The following MYO1A variants were observed in gnomAD, a reference collection of about 807,000 sequenced individuals.
The protein encoded by MYO1A is myosin IA.
A neutral mutation model predicts 138.5 loss-of-function variants in MYO1A; 127 were observed. The observed-to-expected ratio is 0.92, with a 90% CI of 0.79 to 1.06. MYO1A has a LOEUF of 1.06. Ranked by LOEUF, MYO1A falls within the 50% of genes least tolerant of loss-of-function variation. The pLI is 0.00. For missense variants in MYO1A, 1,211 were observed against 1,288.8 expected (o/e 0.94, Z 0.92); for synonymous variants, 477 against 497.5 (o/e 0.96, Z 0.55).
At chr12:57,030,406 G>A in intron 23 of MYO1A, 90 bp from the exon 24 acceptor site, 1 of 1,078,134 alleles carries the variant, frequency 9.3e-7, no homozygotes, top group Non-Finnish European at 1.4e-6. Flanking sequence ...GAAGACACTA[G>A]GAGAGGAGAG....
chr12:57,046,810 G>T, intron 7 of MYO1A, 53 bp downstream of exon 7: 1 of 1,584,420 alleles, frequency 6.3e-7, no homozygotes. Context: ...TTAGCAGAAA[G>T]GGCCATGGGA....
At position 57,037,033 on chromosome 12, in the gene MYO1A, T is replaced by C. The variant is rs1270254909; in HGVS notation, c.2114A>G (p.Gln705Arg). The C allele has an allele frequency of 2.5e-6, 4 of 1,614,046 alleles. No individual in the cohort carries two copies. The African/African-American group carries it at 5.3e-5, about 22-fold the overall frequency. ...GCAGCGCCAGCCTCGGTAAATCTTC[T>C]GTATGAGTGTGGCCAGCTGCTGGAG... The part of the protein sequence containing the change: ...LRLQQLATLI[Q>R]KIYRGWRCRT... Residue 705 changes from glutamine to arginine, a missense_variant, in exon 20 of 28, where the codon CAG becomes CGG. By Grantham distance (43) the Gln-to-Arg change is conservative (BLOSUM62 1). Transcript: ENST00000300119.
chr12:57,035,894 T>C (rs1178650211), intron 22 of MYO1A, among the ~76,000 whole-genome samples: 2 of 152,254 alleles, frequency 1.3e-5, no homozygotes, highest in African/African-American at 4.8e-5. Context: ...ACAATTCGCC[T>C]ACTCTCACCC....
In MYO1A at chr12:57,031,191, G is replaced by A. The variant is rs2030267576; in HGVS notation, c.2350-17C>T. On this transcript the variant is annotated splice_polypyrimidine_tract_variant and intron_variant, in intron 22 of 27. Transcript: ENST00000300119. ...TTTCTGTACCTAGTTTGGGACCAGG[G>A]GGATTGGGAGTGGAGTGATAAGAAA... The A allele has an allele frequency of 6.2e-7, 1 of 1,614,112 alleles. No homozygotes were observed.
In MYO1A at chr12:57,047,380, A is replaced by G. The variant is rs2031149371; in HGVS notation, c.353T>C (p.Val118Ala). ...TEASKLVMSYVAAVCGKGEQV... is the reference protein window; with the variant it reads ...TEASKLVMSYAAAVCGKGEQV... Reference sequence around the variant, plus strand: ...CTCTCCTTTCCCACAGACGGCAGCCACATAAGACATCACCAGCTTGCTGGC... The same window carrying G: ...CTCTCCTTTCCCACAGACGGCAGCCGCATAAGACATCACCAGCTTGCTGGC... The change falls in exon 5 of 28, where the codon GTG becomes GCG. Residue 118 changes from valine (V) to alanine (A), a missense_variant. Val to Ala is a moderately conservative substitution (Grantham distance 64, BLOSUM62 0). Coordinates refer to ENST00000300119, the MANE Select transcript of MYO1A (RefSeq NM_005379.4). The G allele has an allele frequency of 6.2e-7, 1 of 1,614,084 alleles. No homozygotes were observed. The highest frequency in any genetic ancestry group is 2.2e-5 in the East Asian group (1 of 44,872).
At position 57,039,192 on chromosome 12, in the gene MYO1A, A is replaced by G; in HGVS notation, c.1332+20T>C. 1 of 1,612,242 alleles carries G rather than the reference A, an allele frequency of 6.2e-7. No individual in the cohort carries two copies. Among genetic ancestry groups the G allele is most frequent in the South Asian group, 1.1e-5 (1 of 91,046 alleles). On this transcript the variant is annotated intron_variant, in intron 15 of 27. Transcript: ENST00000300119. ...CAGTCTGGAAGGGGAAGTCCCACAG[A>G]TAAGAGAATGACAACTCACATGCTC... is the stretch of plus-strand genomic sequence containing the variant.
chr12:57,029,712 GGGA>G (rs751910306), intron 25 of MYO1A, 25 bp downstream of exon 25: 345 of 1,613,992 alleles, frequency 2.1e-4, no homozygotes, highest in Non-Finnish European at 2.8e-4. Flanking sequence ...CACTAGCTGC[GGGA>G]GGAGTTCAGC....
rs1254165315 is a variant in MYO1A at position 57,037,024 on chromosome 12, T to TA, written c.2122dup (p.Tyr708LeufsTer145). 1 of 1,613,998 alleles carries TA rather than the reference T, an allele frequency of 6.2e-7. No individual in the cohort carries two copies. The highest frequency in any genetic ancestry group is 8.5e-7 in the Non-Finnish European group (1 of 1,180,036). Reference sequence around the variant, plus strand: ...GTGGGTGCGGCAGCGCCAGCCTCGGTAAATCTTCTGTATGAGTGTGGCCAG... The same window carrying TA: ...GTGGGTGCGGCAGCGCCAGCCTCGGTAAAATCTTCTGTATGAGTGTGGCCAG... On this transcript the variant is annotated frameshift_variant, in exon 20 of 28. Coordinates refer to ENST00000300119, the MANE Select transcript of MYO1A (RefSeq NM_005379.4). LOFTEE classifies it high-confidence loss of function.
At position 57,048,065 on chromosome 12, in the gene MYO1A, G is replaced by C. The variant is rs1199295193; in HGVS notation, c.154C>G (p.Gln52Glu). 2.5e-6 allele frequency: 4 copies of C among 1,614,074 alleles called. No individual in the cohort carries two copies. The highest frequency in any genetic ancestry group is 3.4e-6 in the Non-Finnish European group (4 of 1,180,026). ...TCTGGCCCATAGATGGGAAGCTGTT[G>C]ATAGGGATTCACTGAGATCACCACA... ...GNVVISVNPYQQLPIYGPEFI... is the reference protein window; with the variant it reads ...GNVVISVNPYEQLPIYGPEFI... The change falls in exon 3 of 28, where the codon CAA becomes GAA. Residue 52 changes from glutamine (Q) to glutamate (E), a missense_variant. Transcript: ENST00000300119.
intron 22 of MYO1A, among the ~76,000 whole-genome samples, chr12:57,035,891 G>T (rs904122040): frequency 6.6e-6 from 1 of 152,200 alleles, no homozygotes; most frequent in East Asian, 1.9e-4. Context: ...GATACAATTC[G>T]CCTACTCTCA....
intron 22 of MYO1A, 94 bp downstream of exon 22, chr12:57,036,213 G>T: frequency 1.6e-6 from 2 of 1,255,844 alleles, no homozygotes; most frequent in Non-Finnish European, 1.2e-6. Context: ...AAACTCTTGG[G>T]GGAAAGCTTT....
chr12:57,039,163 C>T lies in MYO1A; in HGVS notation c.1332+49G>A, dbSNP rs1367891735. Reference sequence around the variant, plus strand: ...GGGAGAGAGACAGGGGAAGGATGTTCAGGCAGTCTGGAAGGGGAAGTCCCA... The same window carrying T: ...GGGAGAGAGACAGGGGAAGGATGTTTAGGCAGTCTGGAAGGGGAAGTCCCA... On this transcript the variant is annotated intron_variant, in intron 15 of 27. Coordinates refer to ENST00000300119, the MANE Select transcript of MYO1A (RefSeq NM_005379.4). 9 of 1,588,476 alleles carry T rather than the reference C, an allele frequency of 5.7e-6. No individual in the cohort carries two copies. The South Asian group carries it at 8.8e-5, about 16-fold the overall frequency.
chr12:57,030,202 G>A lies in MYO1A; in HGVS notation c.2591+8C>T. ...GAACTGGCTGTGCAGGGTCTGGGAG[G>A]CCCTCACCTCTGGGGATATGAAGCC... On this transcript the variant is annotated splice_region_variant and intron_variant, in intron 24 of 27. Coordinates refer to ENST00000300119, the MANE Select transcript of MYO1A (RefSeq NM_005379.4). The A allele has an allele frequency of 6.2e-7, 1 of 1,605,784 alleles. No individual in the cohort carries two copies. Among genetic ancestry groups the A allele is most frequent in the Non-Finnish European group, 8.5e-7 (1 of 1,172,434 alleles).
chr12:57,039,349 T>A, intron 14 of MYO1A, 75 bp from the exon 15 acceptor site: 1 of 1,115,992 alleles, frequency 9.0e-7, no homozygotes, highest in Admixed American at 1.7e-5. Flanking sequence ...GATCTAGCCT[T>A]TCACCCACCC....
chr12:57,041,550 C>A (rs1227275610), intron 12 of MYO1A, 53 bp from the exon 13 acceptor site: 7 of 1,487,650 alleles, frequency 4.7e-6, no homozygotes, highest in Non-Finnish European at 6.6e-6. Flanking sequence ...GCACACCAGG[C>A]CAGGTCCTTC....
chr12:57,032,607 CG>C (rs1168203731), intron 22 of MYO1A, among the ~76,000 whole-genome samples: 1 of 152,034 alleles, frequency 6.6e-6, no homozygotes. Context: ...CGCTTGAACC[CG>C]GGAGGTGGAG....
intron 1 of MYO1A, among the ~76,000 whole-genome samples, chr12:57,049,341 C>T (rs1006655614): frequency 1.1e-4 from 16 of 152,202 alleles, no homozygotes; most frequent in African/African-American, 3.4e-4. Flanking sequence ...AAGGCCACTC[C>T]TGAACAGGAA....
intron 26 of MYO1A, 83 bp from the exon 27 acceptor site, chr12:57,029,342 A>G (rs926983991): frequency 6.2e-7 from 1 of 1,612,356 alleles, no homozygotes; most frequent in African/African-American, 1.3e-5. Context: ...GCCCAGAGCG[A>G]AAGGTCTGGT....
intron 22 of MYO1A, among the ~76,000 whole-genome samples, chr12:57,035,671 C>T (rs2030504182): frequency 6.6e-6 from 1 of 152,186 alleles, no homozygotes. Flanking sequence ...TTCTCAGAAG[C>T]ACTATTGCTA....
Sources: gnomAD v4.1 joint callset for allele counts (sites outside exome capture counted in the v4.1 genomes callset) on GRCh38, gnomAD v4.1.1 for gene constraint, MANE v1.5 for transcripts, NCBI Gene and HGNC (gene_info 2026-07-23, HGNC 2026-07-21) for gene names.